NRXN3: variants seen among roughly 807,000 people sequenced by gnomAD.
The protein encoded by NRXN3 is neurexin 3.
Under a neutral mutation model 137.6 loss-of-function variants are expected in NRXN3, and 32 were observed. The observed-to-expected ratio is 0.23, with a 90% confidence interval of 0.18 to 0.31. The LOEUF is 0.31. Ranked by LOEUF, NRXN3 falls within the 10% of genes least tolerant of loss-of-function variation. The pLI is 1.00. For synonymous variants in NRXN3, 798 were observed against 784.5 expected (o/e 1.02, Z -0.29); for missense variants, 1,574 against 2,062.5 (o/e 0.76, Z 4.59).
chr14:79,395,306 T>C (rs959556789), intron 15 of NRXN3, among the ~76,000 whole-genome samples: 10 of 152,186 alleles, frequency 6.6e-5, no homozygotes, highest in African/African-American at 2.2e-4. Flanking sequence ...AACAGAGCCA[T>C]GAGCCAAAAT....
At chr14:78,854,133 G>A (rs543042294) in intron 10 of NRXN3, among the ~76,000 whole-genome samples, 14 of 152,246 alleles carry the variant, frequency 9.2e-5, no homozygotes, top group East Asian at 5.8e-4. Context: ...CTCTGATTAC[G>A]TGTTCTCTTG....
intron 7 of NRXN3, among the ~76,000 whole-genome samples, chr14:78,711,727 C>T (rs538498474): frequency 2.0e-5 from 3 of 152,100 alleles, no homozygotes; most frequent in African/African-American, 7.2e-5. Context: ...AGGAGTAAGC[C>T]ACTGTGCCAG....
Position 79,441,366 on chromosome 14 carries a change from C to CTTTTTTTT in NRXN3, c.3263-25831_3263-25824dup, listed in dbSNP as rs869170695. Among the ~76,000 whole-genome samples the CTTTTTTTT allele has an allele frequency of 1.3e-3, 87 of 67,256 alleles. 13 individuals are homozygous for CTTTTTTTT. The East Asian group carries it at 0.019, about 15-fold the overall frequency. The allele number at this position is 67,256 out of a possible 152,430, so 44.1% of individuals were successfully genotyped here. ...GAATATCCCTGGACAAACAGAAAAT[C>CTTTTTTTT]TTTTTTTTTTTTTTTTTTTTTTTTT... On this transcript the variant is annotated intron_variant, in intron 15 of 20. Transcript: ENST00000335750.
chr14:78,273,608 G>A (rs1475404252), intron 2 of NRXN3, among the ~76,000 whole-genome samples: 3 of 152,170 alleles, frequency 2.0e-5, no homozygotes, highest in African/African-American at 2.4e-5. Context: ...AGACCAGCTG[G>A]GGTCTGTGTA....
chr14:78,176,534 C>A (rs1469168909), intron 1 of NRXN3, among the ~76,000 whole-genome samples: 2 of 151,902 alleles, frequency 1.3e-5, no homozygotes, highest in African/African-American at 4.8e-5. Flanking sequence ...ATGCCAGAGC[C>A]CAAGCATGGG....
rs144707740 is a variant in NRXN3 at position 78,863,692 on chromosome 14, T to G, written c.2275+53348T>G. On this transcript the variant is annotated intron_variant, in intron 10 of 20. Coordinates refer to ENST00000335750, the MANE Select transcript of NRXN3 (RefSeq NM_001330195.2). Reference sequence around the variant, plus strand: ...ATAAAGTAATTAAAAACAATTTTATTTCAGTCCACAAATACATAAATATTC... The same window carrying G: ...ATAAAGTAATTAAAAACAATTTTATGTCAGTCCACAAATACATAAATATTC... 3.8e-3 allele frequency among the ~76,000 whole-genome samples: 577 copies of G among 152,232 alleles called. 3 individuals carry two copies. The highest frequency in any genetic ancestry group is 0.013 in the African/African-American group (554 of 41,560).
intron 16 of NRXN3, among the ~76,000 whole-genome samples, chr14:79,610,533 C>G (rs968791898): frequency 6.6e-6 from 1 of 152,206 alleles, no homozygotes; most frequent in Non-Finnish European, 1.5e-5. Flanking sequence ...GCTACTAAAC[C>G]TGTGTCACTT....
chr14:79,238,370 T>C (rs922784634), intron 15 of NRXN3, among the ~76,000 whole-genome samples: 1 of 152,120 alleles, frequency 6.6e-6, no homozygotes, highest in Non-Finnish European at 1.5e-5. Context: ...TATTTATCTA[T>C]CCCTATAGAG....
intron 15 of NRXN3, among the ~76,000 whole-genome samples, chr14:79,359,883 G>GA: frequency 6.6e-6 from 1 of 152,134 alleles, no homozygotes; most frequent in Non-Finnish European, 1.5e-5. Flanking sequence ...CCACAGAGCA[G>GA]AACAATGGGA....
chr14:78,419,961 G>GCGCGCACACACACACACACACACA (rs1555518606), intron 4 of NRXN3, among the ~76,000 whole-genome samples: 1 of 49,150 alleles, frequency 2.0e-5, no homozygotes, highest in African/African-American at 4.5e-5. Context: ...GCGCGCGCAC[G>GCGCGCACACACACACACACACACA]CACACACACA....
chr14:79,549,440 G>C (rs527783706), intron 16 of NRXN3, among the ~76,000 whole-genome samples: 1 of 152,272 alleles, frequency 6.6e-6, no homozygotes, highest in Admixed American at 6.5e-5. Flanking sequence ...TACCATACAT[G>C]TAAGGAAATG....
chr14:79,431,775 G>GA (rs944174161), intron 15 of NRXN3, among the ~76,000 whole-genome samples: 82 of 150,014 alleles, frequency 5.5e-4, no homozygotes, highest in African/African-American at 1.4e-3. Flanking sequence ...AAAAAATTAA[G>GA]AAAAAAAAAC....
At chr14:78,562,315 T>G (rs1178916039) in intron 4 of NRXN3, among the ~76,000 whole-genome samples, 1 of 148,592 alleles carries the variant, frequency 6.7e-6, no homozygotes, top group Non-Finnish European at 1.5e-5. Flanking sequence ...AGGAATCGCT[T>G]GAACCCAGAA....
Position 78,966,244 on chromosome 14 carries a change from C to G in NRXN3, c.2615C>G (p.Pro872Arg). The G allele has an allele frequency of 6.2e-7, 1 of 1,614,238 alleles. No homozygotes were observed. Among genetic ancestry groups the G allele is most frequent in the Non-Finnish European group, 8.5e-7 (1 of 1,180,040 alleles). ...GGACTGAGGAACATCATCGCTGACC[C>G]TGTCACCTTTAAGACCAAGAGCAGC... ...RFGLRNIIAD[P>R]VTFKTKSSYL... The change falls in exon 12 of 21, where the codon CCT (proline) becomes CGT (arginine). Residue 872 changes from proline (P) to arginine (R), a missense_variant. Pro to Arg is a moderately radical substitution (Grantham distance 103). Coordinates refer to ENST00000335750, the MANE Select transcript of NRXN3 (RefSeq NM_001330195.2).
At chr14:79,754,394 A>G (rs577385589) in intron 19 of NRXN3, among the ~76,000 whole-genome samples, 1 of 150,298 alleles carries the variant, frequency 6.7e-6, no homozygotes, top group African/African-American at 2.4e-5. Context: ...ATTATATGCA[A>G]ATACTGTGCC....
At chr14:79,110,905 C>T (rs1420952030) in intron 15 of NRXN3, among the ~76,000 whole-genome samples, 1 of 151,974 alleles carries the variant, frequency 6.6e-6, no homozygotes, top group Non-Finnish European at 1.5e-5. Flanking sequence ...ATTCTCCTGC[C>T]TCAGCCTCCC....
Position 78,714,808 on chromosome 14 carries a change from C to T in NRXN3, c.1713C>T (p.Ser571=), listed in dbSNP as rs767420287. The T allele has an allele frequency of 6.2e-6, 10 of 1,614,002 alleles. No individual in the cohort carries two copies. The highest frequency in any genetic ancestry group is 2.2e-5 in the South Asian group (2 of 91,074). Residue 571 remains serine (S), a synonymous_variant, in exon 8 of 21, where the codon AGC becomes AGT. Coordinates refer to ENST00000335750, the MANE Select transcript of NRXN3 (RefSeq NM_001330195.2). Reference sequence around the variant, plus strand: ...CGCCATTCACCGCCAGTGGGGAGAGCGAGATCCTGGACCTGGAAGGAGACA... The same window carrying T: ...CGCCATTCACCGCCAGTGGGGAGAGTGAGATCCTGGACCTGGAAGGAGACA... The part of the protein sequence containing the change: ...RRTPFTASGE[S]EILDLEGDMY...
intron 4 of NRXN3, among the ~76,000 whole-genome samples, chr14:78,568,936 T>A (rs1213859666): frequency 6.6e-6 from 1 of 150,704 alleles, no homozygotes; most frequent in Non-Finnish European, 1.5e-5. Context: ...TCAGCAGGTC[T>A]GTGGTGGGAA....
chr14:79,146,072 C>A (rs539598650), intron 15 of NRXN3, among the ~76,000 whole-genome samples: 86 of 152,114 alleles, frequency 5.7e-4, no homozygotes, highest in African/African-American at 1.8e-3. Flanking sequence ...TAATTTATTG[C>A]GCTTTTATTG....
Sources: gnomAD v4.1 joint callset for allele counts (sites outside exome capture counted in the v4.1 genomes callset) on GRCh38, gnomAD v4.1.1 for gene constraint, MANE v1.5 for transcripts, NCBI Gene and HGNC (gene_info 2026-07-23, HGNC 2026-07-21) for gene names.